ADAMTS17: variants seen among roughly 807,000 people sequenced by gnomAD.
ADAMTS17 encodes the protein A disintegrin and metalloproteinase with thrombospondin motifs 17.
ADAMTS17 carries 113 observed loss-of-function variants against 141.5 expected under a neutral mutation model. The observed-to-expected ratio is 0.80, with a 90% CI of 0.69 to 0.93. ADAMTS17 has a LOEUF of 0.93. Ranked by LOEUF, ADAMTS17 falls within the 40% of genes least tolerant of loss-of-function variation. The pLI is 0.00. For synonymous variants in ADAMTS17, 768 were observed against 630.6 expected (o/e 1.22, Z -3.27); for missense variants, 1,659 against 1,517.9 (o/e 1.09, Z -1.54).
At chr15:100,188,459 A>T (rs2040802283) in intron 8 of ADAMTS17, among the ~76,000 whole-genome samples, 2 of 152,048 alleles carry the variant, frequency 1.3e-5, no homozygotes, top group Non-Finnish European at 2.9e-5. Flanking sequence ...GGAGAGTCTG[A>T]CATTCTTCTT....
chr15:100,233,503 G>A (rs138294092), intron 7 of ADAMTS17, among the ~76,000 whole-genome samples: 279 of 152,174 alleles, frequency 1.8e-3, no homozygotes, highest in African/African-American at 5.7e-3. Flanking sequence ...TTATTAGCTC[G>A]AAAAATATGT....
At chr15:100,048,818 G>T in intron 18 of ADAMTS17, 39 bp downstream of exon 18, 1 of 1,613,972 alleles carries the variant, frequency 6.2e-7, no homozygotes, top group African/African-American at 1.3e-5. Flanking sequence ...TGCCGCCCCA[G>T]ACTCTGGTGG....
chr15:100,026,083 C>T (rs570505353), intron 18 of ADAMTS17, among the ~76,000 whole-genome samples: 72 of 152,288 alleles, frequency 4.7e-4, no homozygotes, highest in African/African-American at 1.7e-3. Context: ...TATGAGCCTC[C>T]CCCAACAATT....
At chr15:100,318,116 A>G (rs1461865411) in intron 3 of ADAMTS17, among the ~76,000 whole-genome samples, 1 of 152,066 alleles carries the variant, frequency 6.6e-6, no homozygotes, top group African/African-American at 2.4e-5. Flanking sequence ...GCATGATCTG[A>G]CTTTCAGATG....
At chr15:100,025,661 G>A (rs536203314) in intron 18 of ADAMTS17, among the ~76,000 whole-genome samples, 26 of 152,136 alleles carry the variant, frequency 1.7e-4, no homozygotes, top group African/African-American at 5.3e-4. Flanking sequence ...TGATCTGCCA[G>A]CCTCGGCCTC....
intron 7 of ADAMTS17, among the ~76,000 whole-genome samples, chr15:100,242,180 C>T (rs1429177760): frequency 1.3e-5 from 2 of 152,212 alleles, no homozygotes; most frequent in African/African-American, 4.8e-5. Context: ...TCACTCGCAT[C>T]CTGCCCTTGT....
intron 12 of ADAMTS17, among the ~76,000 whole-genome samples, chr15:100,122,390 C>T (rs1039255300): frequency 6.6e-6 from 1 of 152,188 alleles, no homozygotes; most frequent in Non-Finnish European, 1.5e-5. Context: ...CAATTTGCTA[C>T]CTAAATAATC....
intron 3 of ADAMTS17, among the ~76,000 whole-genome samples, chr15:100,309,482 G>A (rs1052907389): frequency 1.3e-5 from 2 of 152,210 alleles, no homozygotes; most frequent in Non-Finnish European, 2.9e-5. Flanking sequence ...GATGGATTTC[G>A]AGACAGGACT....
chr15:100,059,899 A>G (rs1007979800), intron 15 of ADAMTS17, among the ~76,000 whole-genome samples: 4 of 152,192 alleles, frequency 2.6e-5, no homozygotes, highest in African/African-American at 9.7e-5. Flanking sequence ...CAAATTAAAT[A>G]CATTTTGGGC....
At chr15:100,257,470 G>A (rs1380952350) in intron 6 of ADAMTS17, among the ~76,000 whole-genome samples, 1 of 152,262 alleles carries the variant, frequency 6.6e-6, no homozygotes, top group Non-Finnish European at 1.5e-5. Flanking sequence ...GCAGGTGAGA[G>A]GGACTGTGAT....
chr15:100,091,460 C>A (rs985040602), intron 15 of ADAMTS17, among the ~76,000 whole-genome samples: 10 of 152,134 alleles, frequency 6.6e-5, no homozygotes, highest in Admixed American at 5.9e-4. Flanking sequence ...ATGCCTTTGC[C>A]GTGGTTCCAG....
intron 18 of ADAMTS17, among the ~76,000 whole-genome samples, chr15:100,040,340 C>G (rs2031134948): frequency 6.6e-6 from 1 of 152,216 alleles, no homozygotes. Flanking sequence ...GGAGAATACA[C>G]AGCTTCCCTT....
In ADAMTS17 at chr15:100,253,647, A is replaced by G. The variant is rs372858335; in HGVS notation, c.1075+489T>C. 2.0e-4 allele frequency among the ~76,000 whole-genome samples: 31 copies of G among 152,232 alleles called. 1 individual carries two copies. Among genetic ancestry groups the G allele is most frequent in the African/African-American group, 6.5e-4 (27 of 41,518 alleles). On this transcript the variant is annotated intron_variant, in intron 7 of 21. Transcript: ENST00000268070. ...TCAGTGCTGTCTTTAGTCACTAAAA[A>G]GCAAGTAGCCTGGCACCAAGGCAGG...
At chr15:100,306,362 G>A (rs896191845) in intron 3 of ADAMTS17, 5 of 401,734 alleles carry the variant, frequency 1.2e-5, no homozygotes, top group Non-Finnish European at 2.5e-5. Flanking sequence ...GGGCTTGCGG[G>A]AACTCTTGCA....
intron 8 of ADAMTS17, among the ~76,000 whole-genome samples, chr15:100,198,169 G>C (rs958975326): frequency 6.6e-6 from 1 of 151,824 alleles, no homozygotes; most frequent in South Asian, 2.1e-4. Context: ...ACTTAGAGTA[G>C]AATTAAAAAC....
At chr15:100,108,868 C>G (rs2036568429) in intron 14 of ADAMTS17, 121 bp downstream of exon 14, 3 of 1,558,498 alleles carry the variant, frequency 1.9e-6, no homozygotes, top group Admixed American at 3.4e-5. Flanking sequence ...CACTGGGTGC[C>G]TTCCTAAGAA....
chr15:100,119,332 T>C (rs908218448), intron 12 of ADAMTS17, among the ~76,000 whole-genome samples: 1 of 152,016 alleles, frequency 6.6e-6, no homozygotes, highest in Admixed American at 6.5e-5. Flanking sequence ...GGAACTTACA[T>C]GCAGACTAAG....
chr15:100,009,275 C>T (rs954677161), intron 18 of ADAMTS17, among the ~76,000 whole-genome samples: 4 of 152,142 alleles, frequency 2.6e-5, no homozygotes, highest in African/African-American at 9.7e-5. Flanking sequence ...GCCTCGGGCT[C>T]CCCTATTCCT....
intron 18 of ADAMTS17, among the ~76,000 whole-genome samples, chr15:100,046,298 A>G (rs1011464760): frequency 6.6e-6 from 1 of 152,156 alleles, no homozygotes; most frequent in Admixed American, 6.5e-5. Context: ...AGAATCCTTT[A>G]TTTTAAAATC....
Sources: gnomAD v4.1 joint callset for allele counts (sites outside exome capture counted in the v4.1 genomes callset) on GRCh38, gnomAD v4.1.1 for gene constraint, MANE v1.5 for transcripts, NCBI Gene and HGNC (gene_info 2026-07-23, HGNC 2026-07-21) for gene names.